RBFOX1: variants seen among roughly 807,000 people sequenced by gnomAD.
RBFOX1 encodes the protein RNA binding protein fox-1 homolog 1.
RBFOX1 carries 8 observed loss-of-function variants against 57.7 expected under a neutral mutation model. The ratio of observed to expected loss-of-function variants is 0.14; its 90% CI spans 0.08 to 0.25. The LOEUF is 0.25. Ranked by LOEUF, RBFOX1 falls within the 10% of genes least tolerant of loss-of-function variation. The probability of loss-of-function intolerance (pLI) is 1.00; values close to 1 mark genes in which losing one functional copy is unlikely to be tolerated. For synonymous variants in RBFOX1, 326 were observed against 222.4 expected, an observed-to-expected ratio of 1.47 and a Z score of -4.15; for missense variants, 611 against 548.5, an observed-to-expected ratio of 1.11 and a Z score of -1.14.
chr16:7,642,741 T>C (rs2063055024), intron 11 of RBFOX1, among the ~76,000 whole-genome samples: 1 of 152,168 alleles, frequency 6.6e-6, no homozygotes, highest in Non-Finnish European at 1.5e-5. Context: ...TCAGTACAGA[T>C]TTTGTTAAAC....
intron 3 of RBFOX1, among the ~76,000 whole-genome samples, chr16:5,706,239 C>T (rs1173429864): frequency 6.6e-6 from 1 of 152,104 alleles, no homozygotes; most frequent in Non-Finnish European, 1.5e-5. Flanking sequence ...TGATTTTTGT[C>T]TTAGAACATT....
At chr16:6,493,232 C>T (rs1447484160) in intron 2 of RBFOX1, among the ~76,000 whole-genome samples, 4 of 152,072 alleles carry the variant, frequency 2.6e-5, no homozygotes, top group Non-Finnish European at 4.4e-5. Flanking sequence ...AACTGAAAAT[C>T]ATTGGATTCA....
At chr16:7,413,085 TAAAA>T (rs1351959354) in intron 4 of RBFOX1, among the ~76,000 whole-genome samples, 2 of 151,670 alleles carry the variant, frequency 1.3e-5, no homozygotes, top group East Asian at 1.9e-4. Flanking sequence ...AAATAAAAAA[TAAAA>T]AAATAAATTA....
intron 2 of RBFOX1, among the ~76,000 whole-genome samples, chr16:6,444,987 C>T (rs150454447): frequency 1.3e-5 from 2 of 152,010 alleles, no homozygotes; most frequent in South Asian, 2.1e-4. Flanking sequence ...GGGAGGGTGG[C>T]AGAAGTCAGG....
At chr16:5,750,992 A>G (rs1220070029) in intron 3 of RBFOX1, among the ~76,000 whole-genome samples, 1 of 152,154 alleles carries the variant, frequency 6.6e-6, no homozygotes, top group Non-Finnish European at 1.5e-5. Flanking sequence ...CTATTCGGCA[A>G]TCTTGGAACC....
intron 5 of RBFOX1, among the ~76,000 whole-genome samples, chr16:7,569,578 C>A (rs1020468776): frequency 6.6e-6 from 1 of 152,158 alleles, no homozygotes; most frequent in Non-Finnish European, 1.5e-5. Flanking sequence ...GATTAGCAAC[C>A]TTAATTCTCC....
chr16:6,736,436 C>G (rs1324671571), intron 3 of RBFOX1, among the ~76,000 whole-genome samples: 1 of 152,158 alleles, frequency 6.6e-6, no homozygotes, highest in African/African-American at 2.4e-5. Context: ...AGTTACATCA[C>G]TTAGAGTAAT....
At chr16:6,271,938 A>G (rs2075266013) in intron 1 of RBFOX1, among the ~76,000 whole-genome samples, 1 of 152,190 alleles carries the variant, frequency 6.6e-6, no homozygotes, top group Admixed American at 6.5e-5. Context: ...AGAACTTCTC[A>G]ATTCATTTTA....
chr16:6,829,477 C>G (rs1191506388), intron 3 of RBFOX1, among the ~76,000 whole-genome samples: 14 of 108,398 alleles, frequency 1.3e-4, no homozygotes, highest in Admixed American at 6.6e-4. Context: ...TACCACTCAA[C>G]CATTAAAAAA....
chr16:6,251,149 C>T (rs1242471951), intron 1 of RBFOX1, among the ~76,000 whole-genome samples: 1 of 152,076 alleles, frequency 6.6e-6, no homozygotes, highest in African/African-American at 2.4e-5. Flanking sequence ...TCACAACAAC[C>T]CTACAGTAAT....
intron 2 of RBFOX1, among the ~76,000 whole-genome samples, chr16:5,487,388 C>A (rs1188020621): frequency 6.6e-6 from 1 of 152,114 alleles, no homozygotes; most frequent in Non-Finnish European, 1.5e-5. Flanking sequence ...GAAGAGGGAA[C>A]CAAAGATGAT....
chr16:5,400,829 A>G (rs58122415), intron 1 of RBFOX1, among the ~76,000 whole-genome samples: 8,703 of 152,254 alleles, frequency 0.057, 340 homozygotes, highest in East Asian at 0.12. Flanking sequence ...CCACTTTGAT[A>G]GGAGAGAAGT....
intron 1 of RBFOX1, among the ~76,000 whole-genome samples, chr16:5,252,777 T>C (rs1390702596): frequency 1.3e-5 from 2 of 152,184 alleles, no homozygotes; most frequent in Non-Finnish European, 2.9e-5. Context: ...GCTGCAAAGC[T>C]TTCCCCAGCT....
chr16:5,654,670 A>G (rs558197701), intron 3 of RBFOX1, among the ~76,000 whole-genome samples: 2 of 152,214 alleles, frequency 1.3e-5, no homozygotes, highest in African/African-American at 4.8e-5. Context: ...CTGGCATGAC[A>G]GTCCGAGACT....
At chr16:7,041,326 C>G (rs1027510797) in intron 3 of RBFOX1, among the ~76,000 whole-genome samples, 5 of 152,054 alleles carry the variant, frequency 3.3e-5, no homozygotes, top group African/African-American at 1.2e-4. Context: ...AACCGAGTAG[C>G]TGCAACAAAG....
intron 1 of RBFOX1, among the ~76,000 whole-genome samples, chr16:5,311,302 GT>G (rs2064082758): frequency 6.6e-6 from 1 of 151,964 alleles, no homozygotes; most frequent in Non-Finnish European, 1.5e-5. Flanking sequence ...TCACTCAGTG[GT>G]CAATGGGCAC....
At chr16:7,257,255 C>G in intron 4 of RBFOX1, among the ~76,000 whole-genome samples, 1 of 152,106 alleles carries the variant, frequency 6.6e-6, no homozygotes, top group East Asian at 1.9e-4. Context: ...GAGTGCGATC[C>G]CTGACTGGGA....
At chr16:6,409,778 A>T (rs2093399106) in intron 2 of RBFOX1, among the ~76,000 whole-genome samples, 1 of 152,154 alleles carries the variant, frequency 6.6e-6, no homozygotes, top group South Asian at 2.1e-4. Context: ...GAAAATCAAA[A>T]TCCACAAGTG....
At chr16:7,250,211 A>G (rs1319692347) in intron 4 of RBFOX1, among the ~76,000 whole-genome samples, 1 of 152,218 alleles carries the variant, frequency 6.6e-6, no homozygotes, top group Non-Finnish European at 1.5e-5. Context: ...TCTAAATGGT[A>G]TGTGAAGCAT....
Sources: allele counts gnomAD v4.1 joint callset (sites outside exome capture counted in the v4.1 genomes callset), GRCh38; gene constraint gnomAD v4.1.1; transcripts MANE v1.5; gene names NCBI Gene and HGNC (gene_info 2026-07-23, HGNC 2026-07-21).